HLF: variants seen among roughly 807,000 people sequenced by gnomAD.
The protein encoded by HLF is HLF transcription factor, PAR bZIP family member.
A neutral mutation model predicts 22.6 loss-of-function variants in HLF; 3 were observed. The observed-to-expected ratio is 0.13, with a 90% confidence interval of 0.06 to 0.34. The LOEUF is 0.34. Among genes scored for constraint, HLF ranks in the 10% least tolerant of loss-of-function variants. The probability of loss-of-function intolerance (pLI) is 1.00; values close to 1 mark genes in which losing one functional copy is unlikely to be tolerated. For missense variants in HLF, 299 were observed against 389.2 expected (o/e 0.77, Z 1.95); for synonymous variants, 151 against 151.8 (o/e 0.99, Z 0.04).
At chr17:55,307,893 G>A (rs907769207) in intron 2 of HLF, among the ~76,000 whole-genome samples, 2 of 151,662 alleles carry the variant, frequency 1.3e-5, no homozygotes, top group Non-Finnish European at 2.9e-5. Context: ...GTAGAGGAAA[G>A]TCAGAGGGTT....
At chr17:55,287,629 G>A (rs998887092) in intron 2 of HLF, among the ~76,000 whole-genome samples, 3 of 152,268 alleles carry the variant, frequency 2.0e-5, no homozygotes, top group Non-Finnish European at 2.9e-5. Flanking sequence ...TTGAGAATCA[G>A]TAGTTTAAGT....
intron 2 of HLF, among the ~76,000 whole-genome samples, chr17:55,299,769 A>C (rs894880933): frequency 6.6e-6 from 1 of 151,708 alleles, no homozygotes; most frequent in African/African-American, 2.4e-5. Context: ...TTTAGAGATG[A>C]GTTCTTGCTA....
intron 2 of HLF, chr17:55,272,874 G>A (rs899243903): frequency 4.6e-5 from 7 of 152,336 alleles, no homozygotes; most frequent in African/African-American, 1.7e-4. Flanking sequence ...CGCCATGACT[G>A]ATAGTAGCTG....
chr17:55,315,476 G>A (rs1247369986), intron 3 of HLF, 29 bp downstream of exon 3: 1 of 1,532,834 alleles, frequency 6.5e-7, no homozygotes, highest in Non-Finnish European at 9.0e-7. Context: ...TCAGTCTTTG[G>A]GCAAATGGAG....
chr17:55,277,632 G>GC (rs2080917680), intron 2 of HLF, among the ~76,000 whole-genome samples: 2 of 151,684 alleles, frequency 1.3e-5, no homozygotes, highest in East Asian at 3.9e-4. Flanking sequence ...GATTGGGGGG[G>GC]GTTGGACTGC....
chr17:55,313,561 A>G (rs535255197), intron 2 of HLF, among the ~76,000 whole-genome samples: 3 of 152,202 alleles, frequency 2.0e-5, no homozygotes, highest in East Asian at 3.9e-4. Context: ...AGGTGGGGAC[A>G]TTGTAGTGAT....
chr17:55,318,386 G>A (rs889498572), intron 3 of HLF, among the ~76,000 whole-genome samples: 11 of 152,128 alleles, frequency 7.2e-5, no homozygotes, highest in African/African-American at 1.9e-4. Flanking sequence ...TCCACACCTT[G>A]GCTGGCTCAT....
chr17:55,320,912 A>G lies in HLF; in HGVS notation c.*33A>G, dbSNP rs751153829. ...TTTTTGCAGGCTGGCTTTGGAATAGATGGACAGTTTGTTTCCTGTCTGATA... is the reference window on the plus strand; with the variant it reads ...TTTTTGCAGGCTGGCTTTGGAATAGGTGGACAGTTTGTTTCCTGTCTGATA... On this transcript the variant is annotated 3_prime_UTR_variant, in exon 4 of 4. Coordinates refer to ENST00000226067, the MANE Select transcript of HLF (RefSeq NM_002126.5). The surrounding 1 kb of genome is among the most constrained non-coding windows in gnomAD (Gnocchi z 4.2). 16 of 1,546,644 alleles carry G rather than the reference A, an allele frequency of 1.0e-5. No homozygotes were observed. The highest frequency in any genetic ancestry group is 7.2e-5 in the Admixed American group (4 of 55,808).
rs1485508695 is a variant in HLF, at chr17:55,265,038, A to G, written c.-447A>G. The G allele has an allele frequency of 2.2e-5, 3 of 134,514 alleles. No homozygotes were observed. The highest frequency in any genetic ancestry group is 9.3e-5 in the African/African-American group (3 of 32,214). The allele number at this position is 134,514 out of a possible 1,614,324, so 8.3% of individuals were successfully genotyped here. A position where few individuals can be genotyped will look rare whatever the true frequency, so the allele number is the denominator to read the frequency against. ...GCGGGGCCGCGGAGCGCTGGGGAGC[A>G]GCGGCCGCCGGCGCGGGGAGGGGGG... On this transcript the variant is annotated 5_prime_UTR_variant, in exon 1 of 4. Transcript: ENST00000226067.
intron 2 of HLF, among the ~76,000 whole-genome samples, chr17:55,271,172 C>T (rs1367037622): frequency 6.6e-6 from 1 of 152,170 alleles, no homozygotes; most frequent in Non-Finnish European, 1.5e-5. Flanking sequence ...CTGTCACACG[C>T]ATGGATAAAC....
chr17:55,316,105 C>T (rs1367178290), intron 3 of HLF, among the ~76,000 whole-genome samples: 3 of 152,198 alleles, frequency 2.0e-5, no homozygotes, highest in African/African-American at 7.2e-5. Context: ...ATAGATTTAC[C>T]TTGGAAGTCA....
rs141889009 is a variant in HLF, at chr17:55,313,132, A to T, written c.452-2095A>T. Reference sequence around the variant, plus strand: ...CTGACCTACTTCCATTGGAGGAAAAACCTAGAGAGAAAGAATGTCAAGAAA... The same window carrying T: ...CTGACCTACTTCCATTGGAGGAAAATCCTAGAGAGAAAGAATGTCAAGAAA... On this transcript the variant is annotated intron_variant, in intron 2 of 3. Transcript: ENST00000226067. 1.2e-4 allele frequency among the ~76,000 whole-genome samples: 19 copies of T among 152,178 alleles called. No individual in the cohort carries two copies. The East Asian group carries it at 3.5e-3, about 28-fold the overall frequency.
At chr17:55,287,076 G>T (rs1567816607) in intron 2 of HLF, among the ~76,000 whole-genome samples, 1 of 151,998 alleles carries the variant, frequency 6.6e-6, no homozygotes, top group Non-Finnish European at 1.5e-5. Flanking sequence ...AGCTCAATCA[G>T]GGGGGAGGCA....
intron 3 of HLF, among the ~76,000 whole-genome samples, chr17:55,318,643 G>A (rs943870521): frequency 6.6e-5 from 10 of 151,812 alleles, no homozygotes; most frequent in Admixed American, 2.0e-4. Context: ...GTACCCCTTC[G>A]CCTCCTGGGC....
chr17:55,299,487 A>G (rs1427338345), intron 2 of HLF, among the ~76,000 whole-genome samples: 3 of 152,204 alleles, frequency 2.0e-5, no homozygotes, highest in Non-Finnish European at 4.4e-5. Flanking sequence ...ACTAGATGCA[A>G]TAGACAGCAA....
At chr17:55,292,417 G>T (rs2081072172) in intron 2 of HLF, among the ~76,000 whole-genome samples, 1 of 152,124 alleles carries the variant, frequency 6.6e-6, no homozygotes, top group Non-Finnish European at 1.5e-5. Context: ...CCCACTAAAG[G>T]CTCAGGTGAT....
rs1313987646 is a variant in HLF at position 55,267,836 on chromosome 17, T to C, written c.201T>C (p.Pro67=). 3 of 1,613,972 alleles carry C rather than the reference T, an allele frequency of 1.9e-6. No individual in the cohort carries two copies. Among genetic ancestry groups the C allele is most frequent in the East Asian group, 2.2e-5 (1 of 44,872 alleles). The change falls in exon 2 of 4, where the codon CCT becomes CCC. Residue 67 remains proline (P), a synonymous_variant. Transcript: ENST00000226067. ...PTVPQSAFLG[P]TLWDKTLPYD... ...TCCCCCAGTCGGCATTCCTGGGGCC[T>C]ACCTTATGGGACAAAACCCTTCCCT...
intron 2 of HLF, among the ~76,000 whole-genome samples, chr17:55,312,426 T>C (rs1904873291): frequency 6.6e-6 from 1 of 152,240 alleles, no homozygotes; most frequent in Admixed American, 6.5e-5. Flanking sequence ...AGAAATCACT[T>C]CTATAAAAAC....
In HLF at chr17:55,321,986, G is replaced by T. The variant is rs1905276974; in HGVS notation, c.*1107G>T. ...ACTTTTTGGTAATATATATATTTTT[G>T]TGAATTATACTTTGTTGTTTTTAAA... On this transcript the variant is annotated 3_prime_UTR_variant, in exon 4 of 4. Coordinates refer to ENST00000226067, the MANE Select transcript of HLF (RefSeq NM_002126.5). The T allele has an allele frequency of 4.5e-6, 1 of 223,090 alleles. No homozygotes were observed. Among genetic ancestry groups the T allele is most frequent in the South Asian group, 1.8e-4 (1 of 5,436 alleles). The allele number at this position is 223,090 out of a possible 1,614,324, so 13.8% of individuals were successfully genotyped here.
Sources: allele counts gnomAD v4.1 joint callset (sites outside exome capture counted in the v4.1 genomes callset), GRCh38; gene constraint gnomAD v4.1.1; non-coding constraint Gnocchi (gnomAD v3.1); transcripts MANE v1.5; gene names NCBI Gene and HGNC (gene_info 2026-07-23, HGNC 2026-07-21).